Variants in ERLIN2 observed in about 807,000 individuals in gnomAD.
ERLIN2 encodes ER lipid raft associated 2.
ERLIN2 carries 22 observed loss-of-function variants against 41.5 expected under a neutral mutation model. That is an observed-to-expected ratio of 0.53 (90% CI 0.38 to 0.76). ERLIN2 has a LOEUF of 0.76. ERLIN2 is among the 30% of genes least tolerant of loss of function. ERLIN2 has a pLI of 0.00. For missense variants in ERLIN2, 247 were observed against 414.3 expected (o/e 0.60, Z 3.51); for synonymous variants, 149 against 150.9 (o/e 0.99, Z 0.09).
chr8:37,744,944 C>G (rs1802987936), intron 6 of ERLIN2: 1 of 635,930 alleles, frequency 1.6e-6, no homozygotes, highest in South Asian at 1.8e-5. Context: ...GTATTCACTT[C>G]TGGCCTCAAT....
chr8:37,745,583 T>G, intron 6 of ERLIN2: 1 of 1,614,086 alleles, frequency 6.2e-7, no homozygotes, highest in South Asian at 1.1e-5. Context: ...GGAAAATGAT[T>G]TTTCCCAGGA....
intron 2 of ERLIN2, among the ~76,000 whole-genome samples, chr8:37,739,746 G>A (rs891990054): frequency 7.9e-5 from 12 of 151,858 alleles, no homozygotes; most frequent in South Asian, 2.1e-4. Flanking sequence ...GATCACAGGC[G>A]TGAGCCACCG....
At chr8:37,751,539 C>A in intron 9 of ERLIN2, 87 bp from the exon 10 acceptor site, 1 of 1,147,586 alleles carries the variant, frequency 8.7e-7, no homozygotes, top group Non-Finnish European at 1.3e-6. Flanking sequence ...GACAAGCTGG[C>A]CCACCAGGAC....
intron 6 of ERLIN2, chr8:37,744,933 A>G (rs1193454119): frequency 3.0e-6 from 2 of 658,634 alleles, no homozygotes; most frequent in Non-Finnish European, 5.5e-6. Context: ...AGTGGAGTAG[A>G]GTATTCACTT....
rs1348005304 is a variant in ERLIN2 at position 37,756,676 on chromosome 8, CCTGT to C, written c.*2566_*2569del. The C allele has an allele frequency of 4.6e-5, 7 of 152,594 alleles. No individual in the cohort carries two copies. Among genetic ancestry groups the C allele is most frequent in the African/African-American group, 4.8e-5 (2 of 41,432 alleles). 9.5% of individuals were successfully genotyped at this position (152,594 alleles called of 1,614,324 possible). On this transcript the variant is annotated 3_prime_UTR_variant, in exon 12 of 12. Coordinates refer to ENST00000519638, the MANE Select transcript of ERLIN2 (RefSeq NM_007175.8). ...TGTTTTATTTGCATAGGACAACTAACCTGTCTGTGTAACTTTGTTTTTATTTTAA... is the reference window on the plus strand; with the variant it reads ...TGTTTTATTTGCATAGGACAACTAACCTGTGTAACTTTGTTTTTATTTTAA...
intron 6 of ERLIN2, chr8:37,748,075 C>T: frequency 7.9e-7 from 1 of 1,264,842 alleles, no homozygotes. Context: ...CACGAGCGCG[C>T]CTTGCGCCTT....
chr8:37,745,266 G>C, intron 6 of ERLIN2: 2 of 487,336 alleles, frequency 4.1e-6, no homozygotes, highest in Non-Finnish European at 7.3e-6. Context: ...GAGAACCATA[G>C]CTCCTTCCAG....
chr8:37,753,150 T>C (rs1350758619), intron 10 of ERLIN2, among the ~76,000 whole-genome samples: 1 of 152,348 alleles, frequency 6.6e-6, no homozygotes, highest in East Asian at 1.9e-4. Context: ...TGGCTAACAG[T>C]GCTTTCTTCC....
At chr8:37,746,733 T>C (rs1803065487) in intron 6 of ERLIN2, among the ~76,000 whole-genome samples, 1 of 152,202 alleles carries the variant, frequency 6.6e-6, no homozygotes, top group Non-Finnish European at 1.5e-5. Context: ...TTTCCTTCTT[T>C]GAGTATAAAG....
intron 8 of ERLIN2, chr8:37,750,067 G>T: frequency 3.1e-6 from 2 of 648,218 alleles, no homozygotes. Context: ...TCCCTGTAGA[G>T]CAGCGATGTT....
At chr8:37,749,501 C>T (rs377219261) in intron 6 of ERLIN2, 58 bp from the exon 7 acceptor site, 1 of 1,149,334 alleles carries the variant, frequency 8.7e-7, no homozygotes. Context: ...CCTCATCCTG[C>T]CCTCCCTCAT....
intron 11 of ERLIN2, 144 bp from the exon 12 acceptor site, chr8:37,753,771 A>G (rs1803287846): frequency 1.2e-6 from 1 of 805,788 alleles, no homozygotes; most frequent in Admixed American, 2.1e-5. Flanking sequence ...AAGATCTGAG[A>G]TGACTGTCTC....
Position 37,753,915 on chromosome 8 carries a change from C to A in ERLIN2, c.820C>A (p.Leu274Met), listed in dbSNP as rs1481759100. Residue 274 changes from leucine (L) to methionine (M), a missense_variant and splice_region_variant, in exon 12 of 12, where the codon CTG becomes ATG. Leu to Met is a conservative substitution (Grantham distance 15). Around this residue, in one of 3 missense-constraint regions of ERLIN2, gnomAD observed 153 missense variants for 256.4 expected, o/e 0.60. Coordinates refer to ENST00000519638, the MANE Select transcript of ERLIN2 (RefSeq NM_007175.8). ...TAMKIAEANK[L>M]KLTPEYLQLM... ...TCCATACTTTTTTTTTTTTTAACAG[C>A]TGAAGCTAACCCCTGAATATCTGCA... The A allele has an allele frequency of 1.5e-5, 24 of 1,611,340 alleles. No homozygotes were observed. The highest frequency in any genetic ancestry group is 1.7e-4 in the Middle Eastern group (1 of 6,014).
chr8:37,746,377 A>T, intron 6 of ERLIN2: 1 of 985,280 alleles, frequency 1.0e-6, no homozygotes. Flanking sequence ...GTGTGTACTT[A>T]GTAATACAAC....
In ERLIN2 at chr8:37,754,010, C is replaced by T. The variant is rs1355393354; in HGVS notation, c.915C>T (p.Phe305=). ...TTGGCAAAGACATTCCTAACATGTTCATGGACTCTGCGGGCAGTGTGAGCA... is the reference window on the plus strand; with the variant it reads ...TTGGCAAAGACATTCCTAACATGTTTATGGACTCTGCGGGCAGTGTGAGCA... ...IYFGKDIPNM[F]MDSAGSVSKQ... Residue 305 remains phenylalanine, a synonymous_variant, in exon 12 of 12, where the codon TTC becomes TTT. Transcript: ENST00000519638. 2 of 1,613,804 alleles carry T rather than the reference C, an allele frequency of 1.2e-6. No individual in the cohort carries two copies. The highest frequency in any genetic ancestry group is 2.2e-5 in the South Asian group (2 of 91,066).
At chr8:37,748,123 A>T (rs891062424) in intron 6 of ERLIN2, 3 of 688,722 alleles carry the variant, frequency 4.4e-6, no homozygotes, top group Non-Finnish European at 7.8e-6. Context: ...TTTAAATGGC[A>T]TTTATCAACA....
At chr8:37,737,119 G>A in intron 1 of ERLIN2, 1 of 370,828 alleles carries the variant, frequency 2.7e-6, no homozygotes, top group Non-Finnish European at 3.7e-6. Flanking sequence ...TTTGCAGTCA[G>A]TCACCATAGT....
rs1361294813 is a variant in ERLIN2 at position 37,754,086 on chromosome 8, C to T, written c.991C>T (p.Pro331Ser). 6.2e-7 allele frequency: 1 copy of T among 1,613,946 alleles called. No individual in the cohort carries two copies. The highest frequency in any genetic ancestry group is 8.5e-7 in the Non-Finnish European group (1 of 1,179,906). The change falls in exon 12 of 12, where the codon CCC becomes TCC. Residue 331 changes from proline to serine, a missense_variant. Pro to Ser is a moderately conservative substitution (Grantham distance 74). Coordinates refer to ENST00000519638, the MANE Select transcript of ERLIN2 (RefSeq NM_007175.8). ...DKLSFGLEDE[P>S]LETATKEN ...GCTAAGCTTTGGCTTAGAAGATGAA[C>T]CCTTGGAGACGGCCACTAAGGAGAA...
chr8:37,737,073 C>A, intron 1 of ERLIN2: 2 of 785,972 alleles, frequency 2.5e-6, no homozygotes, highest in Non-Finnish European at 3.1e-6. Context: ...AGAATCCACG[C>A]CCTGCGCTCA....
Sources: gnomAD v4.1 joint callset for allele counts (sites outside exome capture counted in the v4.1 genomes callset) on GRCh38, gnomAD v4.1.1 for gene constraint, gnomAD v4.1.1 regional missense constraint, MANE v1.5 for transcripts, NCBI Gene and HGNC (gene_info 2026-07-23, HGNC 2026-07-21) for gene names.